The following NFIA variants were observed in gnomAD, a reference collection of about 807,000 sequenced individuals.
NFIA encodes nuclear factor I A.
NFIA carries 8 observed loss-of-function variants against 62.8 expected under a neutral mutation model. The ratio of observed to expected loss-of-function variants is 0.13; its 90% CI spans 0.07 to 0.23. The LOEUF is 0.23. NFIA is among the 10% of genes least tolerant of loss of function. The pLI is 1.00. For synonymous variants in NFIA, 235 were observed against 238.1 expected, an observed-to-expected ratio of 0.99 and a Z score of 0.12; for missense variants, 410 against 642.1, an observed-to-expected ratio of 0.64 and a Z score of 3.91.
chr1:61,190,168 C>T (rs1045278157), intron 2 of NFIA, among the ~76,000 whole-genome samples: 1 of 152,140 alleles, frequency 6.6e-6, no homozygotes, highest in African/African-American at 2.4e-5. Context: ...ACTATTTCCC[C>T]CCATGTTTTA....
At chr1:61,231,617 G>A (rs1321564403) in intron 2 of NFIA, among the ~76,000 whole-genome samples, 1 of 152,142 alleles carries the variant, frequency 6.6e-6, no homozygotes, top group Admixed American at 6.5e-5. Context: ...CAGCCTTTAA[G>A]AAGTTTGTAT....
At chr1:61,391,481 CACACACAG>C (rs1239781508) in intron 7 of NFIA, among the ~76,000 whole-genome samples, 6 of 146,606 alleles carry the variant, frequency 4.1e-5, no homozygotes, top group African/African-American at 1.3e-4. Context: ...CACACACACA[CACACACAG>C]GCAGTTTAGA....
rs139256799 is a variant in NFIA at position 61,128,049 on chromosome 1, T to A, written c.559+39369T>A. ...TGGCAAATCTTATTTCATGTGACTT[T>A]ATTTTGGCTGAATGGCCTAAAAATG... On this transcript the variant is annotated intron_variant, in intron 2 of 10. Coordinates refer to ENST00000403491, the MANE Select transcript of NFIA (RefSeq NM_001134673.4). 6.4e-3 allele frequency among the ~76,000 whole-genome samples: 970 copies of A among 152,304 alleles called. 16 individuals are homozygous for A. The highest frequency in any genetic ancestry group is 0.021 in the African/African-American group (889 of 41,582).
At chr1:61,451,684 G>A (rs1668066622) in intron 10 of NFIA, among the ~76,000 whole-genome samples, 1 of 152,170 alleles carries the variant, frequency 6.6e-6, no homozygotes. Context: ...GAAAGTTTCT[G>A]AGGAAAAAAT....
chr1:61,233,236 T>C (rs1654786443), intron 2 of NFIA, among the ~76,000 whole-genome samples: 1 of 152,184 alleles, frequency 6.6e-6, no homozygotes, highest in East Asian at 1.9e-4. Flanking sequence ...CTCAAACTAT[T>C]GTGTGCACAA....
chr1:61,170,725 G>C (rs972329800), intron 2 of NFIA, among the ~76,000 whole-genome samples: 5 of 152,154 alleles, frequency 3.3e-5, no homozygotes, highest in African/African-American at 1.2e-4. Context: ...TCTTTACCTT[G>C]GAACTTTAGA....
intron 3 of NFIA, among the ~76,000 whole-genome samples, chr1:61,314,261 A>T (rs1660258700): frequency 6.6e-6 from 1 of 151,912 alleles, no homozygotes; most frequent in African/African-American, 2.4e-5. Flanking sequence ...CCCTTACCAC[A>T]TTGTATTGTA....
intron 9 of NFIA, among the ~76,000 whole-genome samples, chr1:61,418,439 A>C (rs1457710795): frequency 6.6e-6 from 1 of 152,112 alleles, no homozygotes; most frequent in Non-Finnish European, 1.5e-5. Flanking sequence ...TAGCCTGGGC[A>C]ACAGAGCAAG....
At chr1:61,291,781 A>G (rs1658895167) in intron 3 of NFIA, among the ~76,000 whole-genome samples, 1 of 152,200 alleles carries the variant, frequency 6.6e-6, no homozygotes, top group South Asian at 2.1e-4. Context: ...TACCCCAGGG[A>G]AAGTATAGAC....
intron 2 of NFIA, among the ~76,000 whole-genome samples, chr1:61,106,231 A>G (rs1000672728): frequency 3.3e-5 from 5 of 151,800 alleles, no homozygotes; most frequent in African/African-American, 4.8e-5. Context: ...TATTTACAGC[A>G]ACCTGGATCA....
In NFIA at chr1:61,088,821, G is replaced by C. The variant is rs908733455; in HGVS notation, c.559+141G>C. The C allele has an allele frequency of 1.1e-6, 1 of 946,882 alleles. No homozygotes were observed. Among genetic ancestry groups the C allele is most frequent in the Non-Finnish European group, 1.6e-6 (1 of 643,486 alleles). 58.7% of individuals were successfully genotyped at this position (946,882 alleles called of 1,614,324 possible). A position where few individuals can be genotyped will look rare whatever the true frequency, so the allele number is the denominator to read the frequency against. On this transcript the variant is annotated intron_variant, in intron 2 of 10. Transcript: ENST00000403491. This position sits in a 1 kb window ranked among gnomAD's most constrained non-coding sequence, Gnocchi z 4.5. Reference sequence around the variant, plus strand: ...GCCAGTGTGGTTTCAAAGATTGAGAGAGGTGCCACCTTCATTCAGGTGAAA... The same window carrying C: ...GCCAGTGTGGTTTCAAAGATTGAGACAGGTGCCACCTTCATTCAGGTGAAA...
At chr1:61,275,847 A>C (rs1657774052) in intron 2 of NFIA, among the ~76,000 whole-genome samples, 1 of 152,122 alleles carries the variant, frequency 6.6e-6, no homozygotes, top group Admixed American at 6.5e-5. Flanking sequence ...AAAAGAAGGT[A>C]GTCATGCTGT....
intron 4 of NFIA, among the ~76,000 whole-genome samples, chr1:61,344,055 A>AT (rs970860097): frequency 2.0e-4 from 30 of 151,972 alleles, no homozygotes; most frequent in African/African-American, 6.8e-4. Flanking sequence ...TACTATACTT[A>AT]TTTTTTTTCT....
intron 2 of NFIA, among the ~76,000 whole-genome samples, chr1:61,200,022 A>G (rs866092802): frequency 0.042 from 822 of 19,366 alleles, 34 homozygotes; most frequent in East Asian, 0.3. Context: ...ATATATATAT[A>G]TATATATATA....
chr1:61,305,117 C>T lies in NFIA; in HGVS notation c.626-27395C>T, dbSNP rs1263139308. On this transcript the variant is annotated intron_variant, in intron 3 of 10. Transcript: ENST00000403491. ...GGCAAAGGAGAAAACGGTGGAAATG[C>T]GGTGGGCATGGGAGTGTGAAAAGCA... is the stretch of plus-strand genomic sequence containing the variant. Among the ~76,000 whole-genome samples the T allele has an allele frequency of 3.3e-5, 5 of 151,946 alleles. No homozygotes were observed. The South Asian group carries it at 8.3e-4, about 25-fold the overall frequency.
intron 6 of NFIA, among the ~76,000 whole-genome samples, chr1:61,359,857 T>G (rs1323360077): frequency 6.6e-6 from 1 of 152,238 alleles, no homozygotes; most frequent in African/African-American, 2.4e-5. Context: ...GGTCTCAAAC[T>G]CCTGACCTTG....
intron 2 of NFIA, among the ~76,000 whole-genome samples, chr1:61,264,522 G>A (rs145213474): frequency 0.011 from 1,714 of 151,446 alleles, 37 homozygotes; most frequent in African/African-American, 0.039. Context: ...ATGGAGGTGG[G>A]CGCCTGTAAT....
chr1:61,357,832 G>T (rs551100166), intron 5 of NFIA, among the ~76,000 whole-genome samples: 1 of 152,118 alleles, frequency 6.6e-6, no homozygotes, highest in South Asian at 2.1e-4. Flanking sequence ...TTCCCAACAC[G>T]CACTCCCAGT....
At position 61,314,682 on chromosome 1, in the gene NFIA, T is replaced by TTGCCCCC. The variant is rs1660279883; in HGVS notation, c.626-17829_626-17828insGCCCCCT. On this transcript the variant is annotated intron_variant, in intron 3 of 10. Transcript: ENST00000403491. ...TACACTTGACTTCCTATCCATAGGG[T>TTGCCCCC]TATCCTTGTTGCCCCCCATAAATTT... 2.6e-5 allele frequency among the ~76,000 whole-genome samples: 4 copies of TTGCCCCC among 152,302 alleles called. No individual in the cohort carries two copies. In the South Asian group the frequency reaches 8.3e-4, roughly 32 times the overall value.
Sources: allele counts gnomAD v4.1 joint callset (sites outside exome capture counted in the v4.1 genomes callset), GRCh38; gene constraint gnomAD v4.1.1; non-coding constraint Gnocchi (gnomAD v3.1); transcripts MANE v1.5; gene names NCBI Gene and HGNC (gene_info 2026-07-23, HGNC 2026-07-21).